The following LANCL3 variants were observed in gnomAD, a reference collection of about 807,000 sequenced individuals.
LANCL3 encodes lanC-like protein 3.
In LANCL3, 19 loss-of-function variants were observed where a neutral mutation model predicts 26.5. The ratio of observed to expected loss-of-function variants is 0.72; its 90% CI spans 0.50 to 1.05. The LOEUF is 1.05. Ranked by LOEUF, LANCL3 falls within the 50% of genes least tolerant of loss-of-function variation. The pLI is 0.00. For synonymous variants in LANCL3, 160 were observed against 166.6 expected (o/e 0.96, Z 0.30); for missense variants, 318 against 362.7 (o/e 0.88, Z 1.00).
At chrX:37,589,803 A>G (rs112885747) in intron 1 of LANCL3, among the ~76,000 whole-genome samples, 174 of 111,443 alleles carry the variant, frequency 1.6e-3, no homozygotes, top group Non-Finnish European at 2.8e-3. Flanking sequence ...CAGAGCTGCT[A>G]TGTCCTGGAT....
At chrX:37,586,335 T>C (rs1556418015) in intron 1 of LANCL3, among the ~76,000 whole-genome samples, 2 of 111,719 alleles carry the variant, frequency 1.8e-5, no homozygotes, top group South Asian at 3.8e-4. Context: ...TGAATTTGAA[T>C]GTTGGCCTGC....
intron 1 of LANCL3, among the ~76,000 whole-genome samples, chrX:37,632,492 C>G (rs1235358703): frequency 9.0e-6 from 1 of 110,796 alleles, no homozygotes; most frequent in Non-Finnish European, 1.9e-5. Flanking sequence ...TTGATCCTGT[C>G]ATTGTGATGT....
rs1209785437 is a variant in LANCL3, at chrX:37,682,664, T to C, written c.*6851T>C. The C allele has an allele frequency of 1.1e-4, 12 of 111,727 alleles. No homozygotes were observed. Among genetic ancestry groups the C allele is most frequent in the African/African-American group, 3.6e-4 (11 of 30,163 alleles). 9.2% of individuals were successfully genotyped at this position (111,727 alleles called of 1,213,427 possible). A position where few individuals can be genotyped will look rare whatever the true frequency, so the allele number is the denominator to read the frequency against. On this transcript the variant is annotated 3_prime_UTR_variant, in exon 5 of 5. Transcript: ENST00000378619. The stretch of plus-strand genomic sequence containing the variant: ...CCTTATATGTGGATATATTCAAACA[T>C]GTGGATTGATTTAGATCATCCGTTT...
At chrX:37,603,202 G>T (rs1425430796) in intron 1 of LANCL3, among the ~76,000 whole-genome samples, 1 of 112,122 alleles carries the variant, frequency 8.9e-6, no homozygotes, top group Non-Finnish European at 1.9e-5. Flanking sequence ...CTTGTGCCAG[G>T]ATCTAAAAGA....
At chrX:37,608,785 A>G (rs1316148961) in intron 1 of LANCL3, among the ~76,000 whole-genome samples, 1 of 112,148 alleles carries the variant, frequency 8.9e-6, no homozygotes, top group Admixed American at 9.5e-5. Context: ...TATTCACATT[A>G]ACATAGGAAA....
intron 1 of LANCL3, among the ~76,000 whole-genome samples, chrX:37,590,103 A>T (rs1195708603): frequency 7.1e-5 from 8 of 112,550 alleles, no homozygotes; most frequent in Admixed American, 3.7e-4. Context: ...GATTGGCTTG[A>T]AGATACTGTA....
chrX:37,641,795 C>T (rs946572186), intron 1 of LANCL3, among the ~76,000 whole-genome samples: 4 of 111,680 alleles, frequency 3.6e-5, no homozygotes, highest in East Asian at 2.8e-4. Context: ...TTTGTGAATA[C>T]CTCTCTGAGA....
At chrX:37,635,510 A>T (rs1925681729) in intron 1 of LANCL3, among the ~76,000 whole-genome samples, 1 of 111,703 alleles carries the variant, frequency 9.0e-6, no homozygotes, top group Non-Finnish European at 1.9e-5. Context: ...AACATTAAAA[A>T]CCATAGGTAA....
chrX:37,626,207 G>A (rs782057417), intron 1 of LANCL3, among the ~76,000 whole-genome samples: 4 of 112,334 alleles, frequency 3.6e-5, no homozygotes, highest in Non-Finnish European at 7.5e-5. Flanking sequence ...CAGAAACTTA[G>A]TTTCCTCATC....
rs185345910 is a variant in LANCL3 at position 37,682,426 on chromosome X, T to G, written c.*6613T>G. The G allele has an allele frequency of 8.9e-6, 1 of 112,312 alleles. No homozygotes were observed. The highest frequency in any genetic ancestry group is 3.2e-5 in the African/African-American group (1 of 30,927). The allele number at this position is 112,312 out of a possible 1,213,427, so 9.3% of individuals were successfully genotyped here. ...TTTAATGTGTACTGTTCTAGTAATA[T>G]GTATGAAGTAGCTGTGACATAGCAG... On this transcript the variant is annotated 3_prime_UTR_variant, in exon 5 of 5. Coordinates refer to ENST00000378619, the MANE Select transcript of LANCL3 (RefSeq NM_001170331.2).
intron 1 of LANCL3, among the ~76,000 whole-genome samples, chrX:37,580,862 A>G (rs1602092098): frequency 8.9e-6 from 1 of 112,241 alleles, no homozygotes. Context: ...CAGTAGGGAA[A>G]CTGAGGAACA....
At chrX:37,643,318 C>G (rs1925913397) in intron 1 of LANCL3, among the ~76,000 whole-genome samples, 1 of 112,405 alleles carries the variant, frequency 8.9e-6, no homozygotes, top group Non-Finnish European at 1.9e-5. Context: ...AGAAATTAAA[C>G]TGCTGAAACA....
chrX:37,645,665 T>C (rs1456035563), intron 1 of LANCL3, among the ~76,000 whole-genome samples: 6 of 112,238 alleles, frequency 5.3e-5, no homozygotes, highest in African/African-American at 1.9e-4. Context: ...GGAACTTCTA[T>C]TGTTCCTTCG....
intron 1 of LANCL3, among the ~76,000 whole-genome samples, chrX:37,645,965 A>G (rs530315023): frequency 8.9e-6 from 1 of 112,228 alleles, no homozygotes; most frequent in South Asian, 3.7e-4. Flanking sequence ...TAAGTTAAAA[A>G]TGCTCTCTTC....
chrX:37,667,871 A>G (rs1312308601), intron 4 of LANCL3, among the ~76,000 whole-genome samples: 4 of 111,147 alleles, frequency 3.6e-5, no homozygotes, highest in African/African-American at 1.3e-4. Context: ...CAGACATCAC[A>G]TGGGGAGAGA....
chrX:37,581,994 A>C (rs1429745654), intron 1 of LANCL3, among the ~76,000 whole-genome samples: 2 of 109,499 alleles, frequency 1.8e-5, no homozygotes, highest in African/African-American at 6.8e-5. Flanking sequence ...AAGTGTTCTC[A>C]TTGTTCAGTT....
chrX:37,605,541 G>A (rs960930416), intron 1 of LANCL3, among the ~76,000 whole-genome samples: 9 of 111,517 alleles, frequency 8.1e-5, no homozygotes, highest in Non-Finnish European at 1.3e-4. Flanking sequence ...GACCCTAAAA[G>A]ATGAGCAACA....
At chrX:37,574,911 G>GTATA (rs1367412293) in intron 1 of LANCL3, among the ~76,000 whole-genome samples, 1 of 99,572 alleles carries the variant, frequency 1.0e-5, no homozygotes, top group African/African-American at 4.3e-5. Context: ...GTGTGTGTGT[G>GTATA]TATGTATATA....
Position 37,675,942 on chromosome X carries a change from G to A in LANCL3, c.*129G>A. On this transcript the variant is annotated 3_prime_UTR_variant, in exon 5 of 5. Coordinates refer to ENST00000378619, the MANE Select transcript of LANCL3 (RefSeq NM_001170331.2). ...ATTGCCATCAGAAGGAAGGAATCAG[G>A]CAGGTGAAGGCAACATGATGCCAGA... The A allele has an allele frequency of 2.3e-6, 1 of 430,255 alleles. No homozygotes were observed. The allele number at this position is 430,255 out of a possible 1,213,427, so 35.5% of individuals were successfully genotyped here. A position where few individuals can be genotyped will look rare whatever the true frequency, so the allele number is the denominator to read the frequency against.
Sources: gnomAD v4.1 joint callset for allele counts (sites outside exome capture counted in the v4.1 genomes callset) on GRCh38, gnomAD v4.1.1 for gene constraint, MANE v1.5 for transcripts, NCBI Gene and HGNC (gene_info 2026-07-23, HGNC 2026-07-21) for gene names.